MTM1: variants seen among roughly 807,000 people sequenced by gnomAD.
The protein encoded by MTM1 is myotubularin 1, also known as myotubularin.
Under a neutral mutation model 52.1 loss-of-function variants are expected in MTM1, and 9 were observed. The ratio of observed to expected loss-of-function variants is 0.17; its 90% CI spans 0.10 to 0.30. The LOEUF (loss-of-function observed/expected upper bound fraction) is 0.30, where lower values mean the gene tolerates loss of function less well. Ranked by LOEUF, MTM1 falls within the 10% of genes least tolerant of loss-of-function variation. The probability of loss-of-function intolerance (pLI) is 1.00; values close to 1 mark genes in which losing one functional copy is unlikely to be tolerated. For synonymous variants in MTM1, 136 were observed against 163.8 expected (o/e 0.83, Z 1.29); for missense variants, 277 against 470.7 (o/e 0.59, Z 3.81).
chrX:150,591,877 A>G (rs1481094867), intron 1 of MTM1, among the ~76,000 whole-genome samples: 3 of 112,686 alleles, frequency 2.7e-5, no homozygotes, highest in Non-Finnish European at 5.6e-5. Context: ...ATATGTATCT[A>G]TCTGTGTCCT....
chrX:150,588,611 T>A (rs782127704), intron 1 of MTM1, among the ~76,000 whole-genome samples: 111 of 111,791 alleles, frequency 9.9e-4, no homozygotes, highest in African/African-American at 3.3e-3. Context: ...TGAAAGAGGT[T>A]TTTGTATCTG....
At chrX:150,585,446 C>G (rs1239103423) in intron 1 of MTM1, among the ~76,000 whole-genome samples, 1 of 112,151 alleles carries the variant, frequency 8.9e-6, no homozygotes, top group Non-Finnish European at 1.9e-5. Context: ...GATCTGGCAC[C>G]TTTGTTACTA....
intron 6 of MTM1, among the ~76,000 whole-genome samples, chrX:150,634,142 G>A (rs2039717330): frequency 8.9e-6 from 1 of 112,594 alleles, no homozygotes; most frequent in African/African-American, 3.2e-5. Context: ...ACATTCATCA[G>A]TTGTGCCATT....
chrX:150,613,614 T>C (rs1444189515), intron 4 of MTM1, among the ~76,000 whole-genome samples: 3 of 112,047 alleles, frequency 2.7e-5, no homozygotes, highest in Non-Finnish European at 5.6e-5. Context: ...CCCTGCCCTA[T>C]ACTTACTAAA....
Position 150,595,602 on chromosome X carries a change from A to G in MTM1, c.64-896A>G, listed in dbSNP as rs1205405474. ...ATAGAAAAAAATGAAATACTGCTGA[A>G]AAAAACTTTTTGCCCAAACAGATGT... On this transcript the variant is annotated intron_variant, in intron 2 of 14. Coordinates refer to ENST00000370396, the MANE Select transcript of MTM1 (RefSeq NM_000252.3). Among the ~76,000 whole-genome samples the G allele has an allele frequency of 1.2e-4, 13 of 112,981 alleles. 1 individual carries two copies. The highest frequency in any genetic ancestry group is 4.2e-4 in the African/African-American group (13 of 31,134).
At chrX:150,563,215 C>T in the MTM1 span, among the ~76,000 whole-genome samples, 1 of 109,657 alleles carries the variant, frequency 9.1e-6, no homozygotes, top group Non-Finnish European at 1.9e-5. Flanking sequence ...ACCCACCAAC[C>T]AACCAAAAAG....
chrX:150,595,580 G>T (rs1046077193), intron 2 of MTM1, among the ~76,000 whole-genome samples: 1 of 112,480 alleles, frequency 8.9e-6, no homozygotes. Flanking sequence ...ACAACAAATA[G>T]AAAAAAATGA....
At chrX:150,586,708 G>T (rs1376680482) in intron 1 of MTM1, among the ~76,000 whole-genome samples, 1 of 110,699 alleles carries the variant, frequency 9.0e-6, no homozygotes, top group African/African-American at 3.3e-5. Flanking sequence ...GAGGTCAGGG[G>T]TTCAAGACCA....
In MTM1 at chrX:150,671,764, T is replaced by C. The variant is rs2040401109; in HGVS notation, c.*169T>C. 3.7e-6 allele frequency: 2 copies of C among 545,139 alleles called. No homozygotes were observed. Among genetic ancestry groups the C allele is most frequent in the Non-Finnish European group, 5.8e-6 (2 of 344,218 alleles). 44.9% of individuals were successfully genotyped at this position (545,139 alleles called of 1,213,427 possible). On this transcript the variant is annotated 3_prime_UTR_variant, in exon 15 of 15. Coordinates refer to ENST00000370396, the MANE Select transcript of MTM1 (RefSeq NM_000252.3). ...TCTAGAATACATATTACAAGAAAAC[T>C]ACAGGGTCCACACGGCAATCAGAAG...
chrX:150,628,260 T>C (rs1345594924), intron 6 of MTM1, among the ~76,000 whole-genome samples: 1 of 111,899 alleles, frequency 8.9e-6, no homozygotes, highest in African/African-American at 3.3e-5. Flanking sequence ...CTCTGTTATA[T>C]CCAGCATTTT....
chrX:150,581,991 CCT>C (rs1242103073), intron 1 of MTM1, among the ~76,000 whole-genome samples: 1 of 111,939 alleles, frequency 8.9e-6, no homozygotes, highest in Non-Finnish European at 1.9e-5. Context: ...AATTGTATCA[CCT>C]CTGTTATTGT....
chrX:150,591,057 C>G (rs2038876338), intron 1 of MTM1: 1 of 737,659 alleles, frequency 1.4e-6, no homozygotes, highest in Non-Finnish European at 1.6e-6. Flanking sequence ...AAAGGTTTTT[C>G]AAAGCATATT....
intron 6 of MTM1, among the ~76,000 whole-genome samples, chrX:150,636,793 C>T (rs972104416): frequency 6.2e-5 from 7 of 112,049 alleles, no homozygotes; most frequent in African/African-American, 2.3e-4. Context: ...AAGTACTGAC[C>T]AGCGCAGTAT....
intron 1 of MTM1, among the ~76,000 whole-genome samples, chrX:150,583,231 ATATATAAATTATAAATTTATATAATT>A (rs1483932136): frequency 2.4e-4 from 17 of 69,456 alleles, no homozygotes; most frequent in African/African-American, 9.8e-4. Flanking sequence ...TATATAAATT[ATATATAAATTATAAATTTATATAATT>A]TATATAAATT....
At chrX:150,616,554 A>G (rs2039389478) in intron 5 of MTM1, among the ~76,000 whole-genome samples, 1 of 111,817 alleles carries the variant, frequency 8.9e-6, no homozygotes, top group South Asian at 3.7e-4. Flanking sequence ...GCCAGTAGCA[A>G]CTTTCCCATG....
In MTM1 at chrX:150,591,201, C is replaced by T. The variant is rs372415077; in HGVS notation, c.-10-1404C>T. Among the ~76,000 whole-genome samples the T allele has an allele frequency of 1.9e-4, 21 of 112,194 alleles. No individual in the cohort carries two copies. The East Asian group carries it at 3.1e-3, about 16-fold the overall frequency. ...AGTTGAGTATCTCTTTCTATAAAGA[C>T]GTATTTTGCTCTAATTGTTAATTTT... On this transcript the variant is annotated intron_variant, in intron 1 of 14. Transcript: ENST00000370396.
rs113494126 is a variant in MTM1, at chrX:150,628,739, CTTT to C, written c.444+9611_444+9613del. Reference sequence around the variant, plus strand: ...TTTCATTTCTTCCTTTTCTTGTTTTCTTTTTTTTTTTTTGAGACAGGGTCTTGC... The same window carrying C: ...TTTCATTTCTTCCTTTTCTTGTTTTCTTTTTTTTTTGAGACAGGGTCTTGC... On this transcript the variant is annotated intron_variant, in intron 6 of 14. Transcript: ENST00000370396. 5.0e-5 allele frequency among the ~76,000 whole-genome samples: 5 copies of C among 100,727 alleles called. No individual in the cohort carries two copies. In the East Asian group the frequency reaches 1.2e-3, roughly 25 times the overall value. The allele number at this position is 100,727 out of a possible 115,157, so 87.5% of individuals were successfully genotyped here.
intron 1 of MTM1, among the ~76,000 whole-genome samples, chrX:150,579,382 A>G (rs1475604080): frequency 9.0e-6 from 1 of 111,648 alleles, no homozygotes; most frequent in Non-Finnish European, 1.9e-5. Context: ...CCATGTATTT[A>G]GGTCTTTAAT....
rs1202365587 is a variant in MTM1, at chrX:150,583,662, T to C, written c.-10-8943T>C. ...TAATATATAATTTATATATATTATA[T>C]ATAATTTATATATAAATAATTTGTA... On this transcript the variant is annotated intron_variant, in intron 1 of 14. Coordinates refer to ENST00000370396, the MANE Select transcript of MTM1 (RefSeq NM_000252.3). Among the ~76,000 whole-genome samples the C allele has an allele frequency of 7.8e-5, 3 of 38,302 alleles. 1 individual carries two copies. Among genetic ancestry groups the C allele is most frequent in the Admixed American group, 1.3e-3 (2 of 1,574 alleles). 33.3% of individuals were successfully genotyped at this position (38,302 alleles called of 115,157 possible). A position where few individuals can be genotyped will look rare whatever the true frequency, so the allele number is the denominator to read the frequency against.
Sources: gnomAD v4.1 joint callset for allele counts (sites outside exome capture counted in the v4.1 genomes callset) on GRCh38, gnomAD v4.1.1 for gene constraint, MANE v1.5 for transcripts, NCBI Gene and HGNC (gene_info 2026-07-23, HGNC 2026-07-21) for gene names.